Variants in TNMD observed in about 807,000 individuals in gnomAD.
The protein encoded by TNMD is BRICHOS domain containing 4.
Under a neutral mutation model 26.9 loss-of-function variants are expected in TNMD, and 15 were observed. The observed-to-expected ratio is 0.56, with a 90% CI of 0.37 to 0.86. The LOEUF (loss-of-function observed/expected upper bound fraction) is 0.86. Ranked by LOEUF, TNMD falls within the 40% of genes least tolerant of loss-of-function variation. TNMD has a pLI of 0.00. For synonymous variants in TNMD, 73 were observed against 77.0 expected (o/e 0.95, Z 0.27); for missense variants, 222 against 242.6 (o/e 0.92, Z 0.56).
chrX:100,588,030 G>A (rs1186623454), intron 2 of TNMD, among the ~76,000 whole-genome samples: 1 of 111,485 alleles, frequency 9.0e-6, no homozygotes, highest in Non-Finnish European at 1.9e-5. Flanking sequence ...TTTCCTCCAA[G>A]CTCTTAGTGT....
At chrX:100,585,639 T>C (rs894675644) in intron 2 of TNMD, among the ~76,000 whole-genome samples, 1 of 111,891 alleles carries the variant, frequency 8.9e-6, no homozygotes, top group Admixed American at 9.5e-5. Context: ...TTAAGACTCC[T>C]CCTAGGAGCA....
chrX:100,589,352 T>A (rs1372339868), intron 2 of TNMD, among the ~76,000 whole-genome samples: 1 of 83,899 alleles, frequency 1.2e-5, no homozygotes, highest in Non-Finnish European at 2.2e-5. Context: ...TGGTGCCATG[T>A]TGGCATTTTC....
Position 100,594,285 on chromosome X carries a change from G to T in TNMD, c.346G>T (p.Gly116Cys), listed in dbSNP as rs761121065. Residue 116 changes from glycine (G) to cysteine (C), a missense_variant, in exon 4 of 7, where the codon GGT (glycine) becomes TGT (cysteine). Physicochemically the swap from Gly to Cys is radical, Grantham distance 159 (BLOSUM62 -3). Coordinates refer to ENST00000373031, the MANE Select transcript of TNMD (RefSeq NM_022144.3). ...KNGYTGIYFV[G>C]LQKCFIKTQI... ...GGGATACACTGGCATCTACTTCGTG[G>T]GTCTTCAAAAATGTTTTATCAAAAC... The T allele has an allele frequency of 3.3e-6, 4 of 1,198,273 alleles. No individual in the cohort carries two copies. Among genetic ancestry groups the T allele is most frequent in the Non-Finnish European group, 4.5e-6 (4 of 887,611 alleles).
rs1220798944 is a variant in TNMD, at chrX:100,593,806, G to A, written c.181-89G>A. Reference sequence around the variant, plus strand: ...TGAATTCAAAATACCAGCTCTGAAGGGATCCCCATATCAGCTCCAGCGCCA... The same window carrying A: ...TGAATTCAAAATACCAGCTCTGAAGAGATCCCCATATCAGCTCCAGCGCCA... On this transcript the variant is annotated intron_variant, in intron 2 of 6. Transcript: ENST00000373031. The A allele has an allele frequency of 5.1e-6, 5 of 978,675 alleles. No homozygotes were observed. In the East Asian group the frequency reaches 1.6e-4, roughly 31 times the overall value. The allele number at this position is 978,675 out of a possible 1,213,427, so 80.7% of individuals were successfully genotyped here.
chrX:100,597,716 T>A (rs1378617994), intron 5 of TNMD, 59 bp downstream of exon 5: 1 of 1,085,145 alleles, frequency 9.2e-7, no homozygotes, highest in South Asian at 1.9e-5. Flanking sequence ...AGGTTAATGT[T>A]CCCAGCATTT....
chrX:100,594,575 G>A (rs1473520498), intron 4 of TNMD, among the ~76,000 whole-genome samples: 1 of 111,329 alleles, frequency 9.0e-6, no homozygotes, highest in Non-Finnish European at 1.9e-5. Flanking sequence ...GTAGCAGATT[G>A]GGGTCTTGAA....
At chrX:100,590,847 GTAACT>G (rs751354484) in intron 2 of TNMD, among the ~76,000 whole-genome samples, 83 of 112,041 alleles carry the variant, frequency 7.4e-4, no homozygotes, top group Non-Finnish European at 1.2e-3. Flanking sequence ...TGGTGCAAAA[GTAACT>G]GTGGTTTTAG....
At chrX:100,593,286 G>A in intron 2 of TNMD, 1 of 723,897 alleles carries the variant, frequency 1.4e-6, no homozygotes, top group Non-Finnish European at 1.6e-6. Flanking sequence ...ATATGGCTTG[G>A]GAAACAGAAC....
chrX:100,585,475 A>T, intron 2 of TNMD, 113 bp downstream of exon 2: 2 of 840,317 alleles, frequency 2.4e-6, no homozygotes, highest in Non-Finnish European at 1.6e-6. Flanking sequence ...TTTTGTGTTT[A>T]TTTTCTGGTG....
At chrX:100,596,641 C>T (rs2082953863) in intron 4 of TNMD, among the ~76,000 whole-genome samples, 1 of 111,516 alleles carries the variant, frequency 9.0e-6, no homozygotes, top group Non-Finnish European at 1.9e-5. Context: ...ATTTTGCTAA[C>T]AAAGCTAGTC....
rs1364167714 is a variant in TNMD at position 100,593,324 on chromosome X, G to C, written c.181-571G>C. 4.0e-6 allele frequency: 3 copies of C among 750,943 alleles called. No homozygotes were observed. In the African/African-American group the frequency reaches 7.0e-5, roughly 18 times the overall value. 61.9% of individuals were successfully genotyped at this position (750,943 alleles called of 1,213,427 possible). On this transcript the variant is annotated intron_variant, in intron 2 of 6. Transcript: ENST00000373031. ...AGGAATAAACTGGGTGGGGTTGGTT[G>C]CCGTATAAAGAGAAGGCTAAGGGAA...
At chrX:100,594,125 A>G in intron 3 of TNMD, 90 bp downstream of exon 3, 3 of 1,027,266 alleles carry the variant, frequency 2.9e-6, no homozygotes, top group Non-Finnish European at 3.9e-6. Flanking sequence ...TAAAATTTGA[A>G]TTCAAATGGA....
In TNMD at chrX:100,585,280, G is replaced by A; in HGVS notation, c.98G>A (p.Gly33Glu). The A allele has an allele frequency of 8.3e-7, 1 of 1,210,196 alleles. No homozygotes were observed. The highest frequency in any genetic ancestry group is 1.1e-6 in the Non-Finnish European group (1 of 894,308). The change falls in exon 2 of 7, where the codon GGA becomes GAA. Residue 33 changes from glycine (G) to glutamate (E), a missense_variant. Physicochemically the swap from Gly to Glu is moderately conservative, Grantham distance 98. Transcript: ENST00000373031. ...KKICKSLKIC[G>E]LVFGILALTL... ...ATATGTAAATCACTTAAGATTTGTG[G>A]ACTGGTGTTTGGTATCCTGGCCCTA...
chrX:100,593,497 G>A lies in TNMD; in HGVS notation c.181-398G>A, dbSNP rs749621244. ...CAATATTAAAGCCCTGGATAAATAA[G>A]GAGACAAAAAACACTTAACCATTTT... On this transcript the variant is annotated intron_variant, in intron 2 of 6. Transcript: ENST00000373031. 6.1e-5 allele frequency: 27 copies of A among 442,550 alleles called. No individual in the cohort carries two copies. The South Asian group carries it at 3.0e-3, about 49-fold the overall frequency. 36.5% of individuals were successfully genotyped at this position (442,550 alleles called of 1,213,427 possible).
Position 100,597,610 on chromosome X carries a change from T to C in TNMD, c.530T>C (p.Ile177Thr). ...CTTAAAAATTCCAAAATTCTGGAGA[T>C]TTGTGATAACGTGACCATGTATTGG... ...DFLKNSKILE[I>T]CDNVTMYWIN... The change falls in exon 5 of 7, where the codon ATT becomes ACT. Residue 177 changes from isoleucine (I) to threonine (T), a missense_variant. Coordinates refer to ENST00000373031, the MANE Select transcript of TNMD (RefSeq NM_022144.3). 1.7e-6 allele frequency: 2 copies of C among 1,211,323 alleles called. No homozygotes were observed. The highest frequency in any genetic ancestry group is 2.2e-6 in the Non-Finnish European group (2 of 895,062).
At chrX:100,596,216 C>A (rs1196818964) in intron 4 of TNMD, among the ~76,000 whole-genome samples, 2 of 111,750 alleles carry the variant, frequency 1.8e-5, no homozygotes, top group Non-Finnish European at 3.8e-5. Context: ...TGCCTGTAAT[C>A]CCAGCTACTG....
chrX:100,594,333 T>C lies in TNMD; in HGVS notation c.394T>C (p.Phe132Leu), dbSNP rs1283672549. 8.4e-7 allele frequency: 1 copy of C among 1,195,029 alleles called. No individual in the cohort carries two copies. The highest frequency in any genetic ancestry group is 3.0e-5 in the East Asian group (1 of 33,617). ...IKTQIKVIPE[F>L]SEPEEEIDEN... ...AACTCAGATTAAAGTGATTCCTGAA[T>C]TTTCTGAACCAGAAGAGGAAATAGA... Residue 132 changes from phenylalanine (F) to leucine (L), a missense_variant, in exon 4 of 7, where the codon TTT (phenylalanine) becomes CTT (leucine). By Grantham distance (22) the Phe-to-Leu change is conservative (BLOSUM62 0). Transcript: ENST00000373031.
chrX:100,599,285 C>A, intron 6 of TNMD, 103 bp downstream of exon 6: 1 of 774,838 alleles, frequency 1.3e-6, no homozygotes, highest in Non-Finnish European at 1.8e-6. Flanking sequence ...ACGATCATGG[C>A]TTTAACAAAA....
At chrX:100,598,992 A>G (rs1371530551) in intron 5 of TNMD, 24 bp from the exon 6 acceptor site, 54 of 1,166,775 alleles carry the variant, frequency 4.6e-5, no homozygotes, top group Non-Finnish European at 5.9e-5. Flanking sequence ...CAGTTGCATC[A>G]CAACTTTGCA....
Sources: gnomAD v4.1 joint callset for allele counts (sites outside exome capture counted in the v4.1 genomes callset) on GRCh38, gnomAD v4.1.1 for gene constraint, MANE v1.5 for transcripts, NCBI Gene and HGNC (gene_info 2026-07-23, HGNC 2026-07-21) for gene names.